Variants in FAT1 observed in about 807,000 individuals in gnomAD.
FAT1 encodes the protein FAT atypical cadherin 1, also known as protocadherin Fat 1.
FAT1 carries 171 observed loss-of-function variants against 329.8 expected under a neutral mutation model. That is an observed-to-expected ratio of 0.52 (90% CI 0.46 to 0.59). The LOEUF (loss-of-function observed/expected upper bound fraction) is 0.59, where lower values mean the gene tolerates loss of function less well. Ranked by LOEUF, FAT1 falls within the 20% of genes least tolerant of loss-of-function variation. FAT1 has a pLI of 0.00. For missense variants in FAT1, 5,672 were observed against 5,774.4 expected (o/e 0.98, Z 0.57); for synonymous variants, 2,233 against 2,228.6 (o/e 1.00, Z -0.06).
chr4:186,676,737 C>T (rs1315890159), intron 2 of FAT1, among the ~76,000 whole-genome samples: 3 of 152,224 alleles, frequency 2.0e-5, no homozygotes, highest in Non-Finnish European at 2.9e-5. Context: ...ATAAACAGAA[C>T]TCTCTCCAAA....
intron 7 of FAT1, 59 bp from the exon 8 acceptor site, chr4:186,628,822 T>G (rs1208516850): frequency 3.3e-6 from 5 of 1,509,318 alleles, no homozygotes; most frequent in Non-Finnish European, 4.5e-6. Context: ...TTTTAATACT[T>G]AAAGAACCAT....
rs2126691677 is a variant in FAT1, at chr4:186,707,830, A to T, written c.1998T>A (p.Ser666Arg). Residue 666 changes from serine (S) to arginine (R), a missense_variant, in exon 2 of 27, where the codon AGT (serine) becomes AGA (arginine). Ser to Arg is a moderately radical substitution (Grantham distance 110, BLOSUM62 -1). This residue lies in a region of FAT1 where 3,966 missense variants were observed against 3,915.2 expected (regional missense o/e 1.01). Transcript: ENST00000441802. ...PLYINITVAASHKLVNLQCEE... is the reference protein window; with the variant it reads ...PLYINITVAARHKLVNLQCEE... ...CACACTGCAAGTTTACCAGCTTGTG[A>T]CTGGCAGCCACTGTTATGTTGATAT... The T allele has an allele frequency of 6.2e-7, 1 of 1,613,716 alleles. No homozygotes were observed. The highest frequency in any genetic ancestry group is 8.5e-7 in the Non-Finnish European group (1 of 1,179,886).
chr4:186,699,676 C>T (rs1321904307), intron 2 of FAT1, among the ~76,000 whole-genome samples: 1 of 145,976 alleles, frequency 6.9e-6, no homozygotes, highest in African/African-American at 2.6e-5. Context: ...TATTTATAAG[C>T]AGCATGGTCT....
chr4:186,690,644 C>T (rs928913384), intron 2 of FAT1, among the ~76,000 whole-genome samples: 2 of 151,924 alleles, frequency 1.3e-5, no homozygotes, highest in African/African-American at 4.8e-5. Context: ...GAGCAGAGAT[C>T]ACGCTACTGC....
In FAT1 at chr4:186,706,679, C is replaced by G. The variant is rs1165782184; in HGVS notation, c.3149G>C (p.Gly1050Ala). 1.2e-6 allele frequency: 2 copies of G among 1,613,982 alleles called. No homozygotes were observed. Among genetic ancestry groups the G allele is most frequent in the South Asian group, 2.2e-5 (2 of 91,078 alleles). The stretch of plus-strand genomic sequence containing the variant: ...AGCCGACACCGTCATTACCAATGAA[C>G]CAACAGGTGCATCTTCTTTCACTGT... ...KGTVKEDAPV[G>A]SLVMTVSAHD... Residue 1050 changes from glycine to alanine, a missense_variant, in exon 2 of 27, where the codon GGT becomes GCT. Gly to Ala is a moderately conservative substitution (Grantham distance 60). Transcript: ENST00000441802.
chr4:186,596,826 A>C lies in FAT1; in HGVS notation c.12714T>G (p.Asn4238Lys), dbSNP rs1323410106. ...GTGGTATGTCTGAGTAAATGTTCTT[A>C]TTTAGCTTGGAATCAAAATACGGTC... ...LQRPYFDSKLNKNIYSDIPPQ... is the reference protein window; with the variant it reads ...LQRPYFDSKLKKNIYSDIPPQ... The change falls in exon 25 of 27, where the codon AAT (asparagine) becomes AAG (lysine). Residue 4238 changes from asparagine (N) to lysine (K), a missense_variant. By Grantham distance (94) the Asn-to-Lys change is moderately conservative. Around this residue, in one of 2 missense-constraint regions of FAT1, gnomAD observed 1,706 missense variants for 1,859.1 expected, o/e 0.92. Transcript: ENST00000441802. The surrounding 1 kb of genome is among the most constrained non-coding windows in gnomAD (Gnocchi z 4.7). The C allele has an allele frequency of 2.5e-6, 4 of 1,613,850 alleles. No individual in the cohort carries two copies. The Admixed American group carries it at 6.7e-5, about 27-fold the overall frequency.
At chr4:186,651,950 G>A (rs1741684381) in intron 3 of FAT1, among the ~76,000 whole-genome samples, 2 of 152,216 alleles carry the variant, frequency 1.3e-5, no homozygotes, top group African/African-American at 4.8e-5. Context: ...TAGGCGTGGA[G>A]CCAAAAATGG....
intron 26 of FAT1, among the ~76,000 whole-genome samples, chr4:186,593,798 G>A (rs1738356549): frequency 6.6e-6 from 1 of 152,152 alleles, no homozygotes; most frequent in Non-Finnish European, 1.5e-5. Flanking sequence ...GTGAGACACA[G>A]GGGTTGGGCT....
chr4:186,686,395 A>G (rs150812250), intron 2 of FAT1, among the ~76,000 whole-genome samples: 223 of 152,298 alleles, frequency 1.5e-3, no homozygotes, highest in Non-Finnish European at 2.7e-3. Flanking sequence ...GAAGAATAAA[A>G]TATGTGTCAA....
At position 186,613,207 on chromosome 4, in the gene FAT1, G is replaced by A. The variant is rs766496715; in HGVS notation, c.9365C>T (p.Ala3122Val). The A allele has an allele frequency of 6.2e-7, 1 of 1,613,786 alleles. No individual in the cohort carries two copies. The highest frequency in any genetic ancestry group is 8.5e-7 in the Non-Finnish European group (1 of 1,179,730). The part of the protein sequence containing the change: ...VLTLEDVNDN[A>V]PEFSADPYAI... ...ATAAGGATCGGCAGAGAATTCGGGGGCGTTATCGTTCACATCTTCTAGCGT... is the reference window on the plus strand; with the variant it reads ...ATAAGGATCGGCAGAGAATTCGGGGACGTTATCGTTCACATCTTCTAGCGT... The change falls in exon 13 of 27, where the codon GCC (alanine) becomes GTC (valine). Residue 3122 changes from alanine to valine, a missense_variant. Transcript: ENST00000441802.
At position 186,588,503 on chromosome 4, in the gene FAT1, G is replaced by T; in HGVS notation, c.*89C>A. On this transcript the variant is annotated 3_prime_UTR_variant, in exon 27 of 27. Transcript: ENST00000441802. ...ATGCCCATTCGGCTCACCAAAAAAA[G>T]CTTGGAAGCACTGCTGCAAAGAACA... 1.4e-6 allele frequency: 2 copies of T among 1,469,604 alleles called. No individual in the cohort carries two copies. Among genetic ancestry groups the T allele is most frequent in the Non-Finnish European group, 1.8e-6 (2 of 1,106,720 alleles). 91.0% of individuals were successfully genotyped at this position (1,469,604 alleles called of 1,614,324 possible). A position where few individuals can be genotyped will look rare whatever the true frequency, so the allele number is the denominator to read the frequency against.
chr4:186,643,871 T>C (rs1015783111), intron 3 of FAT1, among the ~76,000 whole-genome samples: 3 of 145,648 alleles, frequency 2.1e-5, no homozygotes, highest in Non-Finnish European at 3.0e-5. Context: ...CACTACATGT[T>C]ATTAACCTAG....
chr4:186,706,452 C>T (rs921389714), intron 2 of FAT1, 111 bp downstream of exon 2: 18 of 1,181,862 alleles, frequency 1.5e-5, no homozygotes, highest in African/African-American at 1.1e-4. Context: ...ACTTCTATAC[C>T]GAGCCCAAAG....
Position 186,708,342 on chromosome 4 carries a change from C to T in FAT1, c.1486G>A (p.Gly496Arg), listed in dbSNP as rs1744753883. 7 of 1,613,754 alleles carry T rather than the reference C, an allele frequency of 4.3e-6. No homozygotes were observed. Among genetic ancestry groups the T allele is most frequent in the African/African-American group, 2.7e-5 (2 of 74,888 alleles). ...SAVDPDEGEN[G>R]YVTYSIANLN... ...TTTGCGATACTGTATGTCACGTACCCGTTCTCACCCTCATCAGGGTCTACG... is the reference window on the plus strand; with the variant it reads ...TTTGCGATACTGTATGTCACGTACCTGTTCTCACCCTCATCAGGGTCTACG... Residue 496 changes from glycine to arginine, a missense_variant, in exon 2 of 27, where the codon GGG (glycine) becomes AGG (arginine). By Grantham distance (125) the Gly-to-Arg change is moderately radical. Transcript: ENST00000441802.
At chr4:186,610,690 A>AT (rs1305440182) in intron 14 of FAT1, among the ~76,000 whole-genome samples, 1 of 65,674 alleles carries the variant, frequency 1.5e-5, no homozygotes, top group Non-Finnish European at 2.7e-5. Context: ...TATAAATTAT[A>AT]TAATTTATAT....
intron 2 of FAT1, among the ~76,000 whole-genome samples, chr4:186,705,908 C>T (rs550048012): frequency 6.6e-6 from 1 of 152,228 alleles, no homozygotes; most frequent in Admixed American, 6.5e-5. Context: ...TCTAAGTGTC[C>T]CCATGTAGAA....
At chr4:186,720,097 C>T (rs879671121) in intron 1 of FAT1, among the ~76,000 whole-genome samples, 1 of 152,224 alleles carries the variant, frequency 6.6e-6, no homozygotes, top group Admixed American at 6.5e-5. Context: ...AGACTTGCAA[C>T]AAGTTCAGTA....
intron 2 of FAT1, among the ~76,000 whole-genome samples, chr4:186,681,655 T>A (rs949455117): frequency 2.0e-5 from 3 of 152,188 alleles, no homozygotes; most frequent in African/African-American, 7.2e-5. Flanking sequence ...CTGAGACACA[T>A]CGATGAGTTA....
chr4:186,707,203 AC>A lies in FAT1; in HGVS notation c.2624del (p.Gly875ValfsTer19). 6.2e-7 allele frequency: 1 copy of A among 1,613,940 alleles called. No homozygotes were observed. Among genetic ancestry groups the A allele is most frequent in the Non-Finnish European group, 8.5e-7 (1 of 1,179,890 alleles). Reference protein sequence around the residue: ...TDTFSIDSVTGVVNIARPLDR... With the variant: ...TDTFSIDSVTXVVNIARPLDR... The stretch of plus-strand genomic sequence containing the variant: ...CCAGAGGGCGTGCGATGTTAACAAC[AC>A]CCGTCACGCTGTCAATTGAAAATGT... On this transcript the variant is annotated frameshift_variant, in exon 2 of 27. Coordinates refer to ENST00000441802, the MANE Select transcript of FAT1 (RefSeq NM_005245.4). LOFTEE classifies it high-confidence loss of function.
Sources: allele counts gnomAD v4.1 joint callset (sites outside exome capture counted in the v4.1 genomes callset), GRCh38; gene constraint gnomAD v4.1.1; regional missense constraint gnomAD v4.1.1; non-coding constraint Gnocchi (gnomAD v3.1); transcripts MANE v1.5; gene names NCBI Gene and HGNC (gene_info 2026-07-23, HGNC 2026-07-21).